SNTG1: variants seen among roughly 807,000 people sequenced by gnomAD.
SNTG1 encodes syntrophin gamma 1.
Under a neutral mutation model 74.7 loss-of-function variants are expected in SNTG1, and 39 were observed. The observed-to-expected ratio is 0.52, with a 90% CI of 0.40 to 0.68. The LOEUF (loss-of-function observed/expected upper bound fraction) is 0.68, where lower values mean the gene tolerates loss of function less well. Ranked by LOEUF, SNTG1 falls within the 30% of genes least tolerant of loss-of-function variation. SNTG1 has a pLI of 0.00. For synonymous variants in SNTG1, 254 were observed against 217.1 expected (o/e 1.17, Z -1.49); for missense variants, 685 against 609.5 (o/e 1.12, Z -1.30).
chr8:50,633,659 C>T (rs2095019056), intron 13 of SNTG1, among the ~76,000 whole-genome samples: 1 of 152,162 alleles, frequency 6.6e-6, no homozygotes, highest in Non-Finnish European at 1.5e-5. Context: ...AAGTCTCTGT[C>T]TTTAAGAGGA....
At chr8:50,715,503 A>G (rs987760867) in intron 17 of SNTG1, among the ~76,000 whole-genome samples, 1 of 152,220 alleles carries the variant, frequency 6.6e-6, no homozygotes, top group Non-Finnish European at 1.5e-5. Flanking sequence ...TTGGAAATCA[A>G]GATTGGTTAA....
At chr8:49,915,521 T>C (rs561517072) in intron 1 of SNTG1, among the ~76,000 whole-genome samples, 1 of 152,192 alleles carries the variant, frequency 6.6e-6, no homozygotes, top group South Asian at 2.1e-4. Context: ...GGACTTGGTT[T>C]CAAAAATATT....
At chr8:50,102,226 T>G (rs12546716) in intron 1 of SNTG1, among the ~76,000 whole-genome samples, 1 of 144,856 alleles carries the variant, frequency 6.9e-6, no homozygotes, top group Non-Finnish European at 1.5e-5. Context: ...ACCTGTTGTT[T>G]CCTGACTTTT....
At chr8:50,723,785 A>G (rs2095493293) in intron 17 of SNTG1, among the ~76,000 whole-genome samples, 1 of 146,046 alleles carries the variant, frequency 6.8e-6, no homozygotes, top group Non-Finnish European at 1.5e-5. Context: ...AATGAGGCCT[A>G]TGGAAAAAAA....
At chr8:50,123,253 A>G (rs1039038387) in intron 1 of SNTG1, among the ~76,000 whole-genome samples, 5 of 143,116 alleles carry the variant, frequency 3.5e-5, no homozygotes, top group African/African-American at 1.3e-4. Context: ...CAGTGCTCCA[A>G]CACACAATTA....
chr8:50,120,508 AATCACCAATACTGCC>A lies in SNTG1; in HGVS notation c.-102-52038_-102-52024del, dbSNP rs1185522865. Among the ~76,000 whole-genome samples the A allele has an allele frequency of 1.1e-3, 140 of 125,254 alleles. 8 individuals carry two copies. The highest frequency in any genetic ancestry group is 5.4e-3 in the African/African-American group (134 of 24,686). The allele number at this position is 125,254 out of a possible 152,430, so 82.2% of individuals were successfully genotyped here. On this transcript the variant is annotated intron_variant, in intron 1 of 18. Transcript: ENST00000642720. ...CACTAACACTATCCAACATTACTGCAATCACCAATACTGCCATCACCAATACTGCTACCATGATAA... is the reference window on the plus strand; with the variant it reads ...CACTAACACTATCCAACATTACTGCAATCACCAATACTGCTACCATGATAA...
intron 2 of SNTG1, among the ~76,000 whole-genome samples, chr8:50,258,667 G>T (rs73676295): frequency 0.038 from 5,735 of 152,100 alleles, 280 homozygotes; most frequent in South Asian, 0.16. Flanking sequence ...GGGCTCAATA[G>T]TATATCAAAA....
At chr8:50,172,517 T>A (rs1012535991) in intron 1 of SNTG1, 44 bp from the exon 2 acceptor site, 11 of 151,372 alleles carry the variant, frequency 7.3e-5, no homozygotes, top group African/African-American at 2.7e-4. Context: ...CACTTCTATT[T>A]TTGAATGCTC....
rs145656555 is a variant in SNTG1, at chr8:50,741,002, T to C, written c.1285-10999T>C. ...TGAGGCCTATCAGAGGACGGAGGTT[T>C]GGAGAAGGGAGAAGAGCAGGAAAAA... is the stretch of plus-strand genomic sequence containing the variant. On this transcript the variant is annotated intron_variant, in intron 17 of 18. Coordinates refer to ENST00000642720, the MANE Select transcript of SNTG1 (RefSeq NM_018967.5). Among the ~76,000 whole-genome samples, 3 of 152,064 alleles carry C rather than the reference T, an allele frequency of 2.0e-5. No homozygotes were observed. The East Asian group carries it at 5.8e-4, about 30-fold the overall frequency.
chr8:50,253,005 A>G (rs778403283), intron 2 of SNTG1, among the ~76,000 whole-genome samples: 5 of 152,228 alleles, frequency 3.3e-5, no homozygotes, highest in Non-Finnish European at 7.3e-5. Context: ...TAGAATGTCT[A>G]TTATATAAAA....
chr8:50,660,340 A>G (rs1369467091), intron 15 of SNTG1, among the ~76,000 whole-genome samples: 10 of 137,908 alleles, frequency 7.3e-5, no homozygotes, highest in African/African-American at 2.4e-4. Flanking sequence ...GAAAGAAAGA[A>G]AGAGAAAGAA....
intron 1 of SNTG1, among the ~76,000 whole-genome samples, chr8:50,036,697 T>C (rs966853392): frequency 7.9e-5 from 12 of 152,200 alleles, no homozygotes; most frequent in South Asian, 4.1e-4. Flanking sequence ...AGATTTATTA[T>C]GTATAAATGT....
intron 2 of SNTG1, among the ~76,000 whole-genome samples, chr8:50,183,268 C>T (rs2083271137): frequency 6.6e-6 from 1 of 152,178 alleles, no homozygotes; most frequent in Non-Finnish European, 1.5e-5. Flanking sequence ...AAGTCTTACG[C>T]TTCCGCATTC....
chr8:50,027,347 C>A (rs755515611), intron 1 of SNTG1, among the ~76,000 whole-genome samples: 4 of 152,096 alleles, frequency 2.6e-5, no homozygotes, highest in African/African-American at 9.7e-5. Flanking sequence ...TATCCAGACA[C>A]GTCCTATGCC....
intron 1 of SNTG1, among the ~76,000 whole-genome samples, chr8:50,111,711 C>T (rs913727662): frequency 1.3e-5 from 2 of 152,148 alleles, no homozygotes; most frequent in East Asian, 1.9e-4. Context: ...TTTACCAAGG[C>T]CCAGTGGAGG....
At chr8:50,770,528 G>A (rs1422275909) in intron 18 of SNTG1, among the ~76,000 whole-genome samples, 6 of 152,026 alleles carry the variant, frequency 3.9e-5, no homozygotes, top group Non-Finnish European at 2.9e-5. Context: ...TGTGGGCTGG[G>A]CTTGCAGATT....
chr8:50,629,049 T>C (rs184674030), intron 13 of SNTG1, among the ~76,000 whole-genome samples: 2 of 152,228 alleles, frequency 1.3e-5, no homozygotes, highest in Admixed American at 1.3e-4. Context: ...GAGAGTAGAA[T>C]AGTAGTTGCC....
At chr8:49,980,363 A>G (rs1263461655) in intron 1 of SNTG1, among the ~76,000 whole-genome samples, 1 of 151,948 alleles carries the variant, frequency 6.6e-6, no homozygotes, top group Non-Finnish European at 1.5e-5. Context: ...CTTCAGCTGT[A>G]GCAGACGGAG....
At chr8:49,937,731 G>A (rs966776387) in intron 1 of SNTG1, among the ~76,000 whole-genome samples, 2 of 152,126 alleles carry the variant, frequency 1.3e-5, no homozygotes, top group Non-Finnish European at 2.9e-5. Flanking sequence ...GGTAAAAAGG[G>A]TCATGTGAAA....
Sources: gnomAD v4.1 joint callset for allele counts (sites outside exome capture counted in the v4.1 genomes callset) on GRCh38, gnomAD v4.1.1 for gene constraint, MANE v1.5 for transcripts, NCBI Gene and HGNC (gene_info 2026-07-23, HGNC 2026-07-21) for gene names.